Variants in C6 observed in about 807,000 individuals in gnomAD.
C6 encodes complement component C6.
In C6, 101 loss-of-function variants were observed where a neutral mutation model predicts 112.9. That is an observed-to-expected ratio of 0.89 (90% CI 0.76 to 1.06). C6 has a LOEUF of 1.06. C6 is among the 50% of genes least tolerant of loss of function. The pLI is 0.00. For missense variants in C6, 1,202 were observed against 1,104.6 expected (o/e 1.09, Z -1.25); for synonymous variants, 431 against 384.1 (o/e 1.12, Z -1.43).
intron 1 of C6, among the ~76,000 whole-genome samples, chr5:41,247,402 G>A (rs1741086521): frequency 6.6e-6 from 1 of 151,738 alleles, no homozygotes. Flanking sequence ...TCAAGCTGAG[G>A]ACCAAATCAA....
At chr5:41,251,434 T>C (rs556006516) in intron 1 of C6, among the ~76,000 whole-genome samples, 4 of 152,298 alleles carry the variant, frequency 2.6e-5, no homozygotes, top group African/African-American at 9.6e-5. Flanking sequence ...ATGCTATTGC[T>C]GTTATTAGTG....
At chr5:41,177,409 T>C (rs889939530) in intron 7 of C6, among the ~76,000 whole-genome samples, 6 of 152,228 alleles carry the variant, frequency 3.9e-5, no homozygotes, top group African/African-American at 7.2e-5. Flanking sequence ...GAGAATTAGC[T>C]GGTCAATATT....
chr5:41,163,743 A>G (rs576743958), intron 9 of C6, among the ~76,000 whole-genome samples: 1 of 152,360 alleles, frequency 6.6e-6, no homozygotes, highest in East Asian at 1.9e-4. Flanking sequence ...TTTGAATAAT[A>G]CATTTCTACA....
intron 1 of C6, among the ~76,000 whole-genome samples, chr5:41,259,674 G>T (rs542695614): frequency 6.6e-6 from 1 of 152,174 alleles, no homozygotes; most frequent in South Asian, 2.1e-4. Flanking sequence ...TTATAAGTGG[G>T]CCTTAACTCT....
intron 9 of C6, among the ~76,000 whole-genome samples, chr5:41,169,215 C>G (rs930914550): frequency 6.6e-5 from 10 of 152,070 alleles, no homozygotes; most frequent in Non-Finnish European, 1.5e-4. Context: ...AACATGCTAA[C>G]AAAGGTCTCA....
At chr5:41,219,418 G>A (rs555098615) in intron 1 of C6, among the ~76,000 whole-genome samples, 3 of 152,158 alleles carry the variant, frequency 2.0e-5, no homozygotes, top group East Asian at 3.9e-4. Context: ...TGTATTGAGC[G>A]CCCTTTGTTC....
chr5:41,256,429 T>TAAAAAAAAAAAA (rs893902006), intron 1 of C6, among the ~76,000 whole-genome samples: 1 of 135,792 alleles, frequency 7.4e-6, no homozygotes, highest in Non-Finnish European at 1.5e-5. Flanking sequence ...AAAGTATAAT[T>TAAAAAAAAAAAA]AAAAAAAAAA....
chr5:41,213,614 T>C, upstream of C6: 1 of 917,548 alleles, frequency 1.1e-6, no homozygotes, highest in Non-Finnish European at 1.3e-6. Flanking sequence ...GTAGTAACCC[T>C]GAAACTCTGG....
chr5:41,143,498 C>T (rs181356906), intron 17 of C6, among the ~76,000 whole-genome samples: 5 of 152,280 alleles, frequency 3.3e-5, no homozygotes, highest in Admixed American at 6.5e-5. Context: ...CTACATTCAT[C>T]GTTATCATTT....
intron 9 of C6, among the ~76,000 whole-genome samples, chr5:41,164,122 G>A (rs1358832768): frequency 1.3e-5 from 2 of 151,300 alleles, no homozygotes; most frequent in African/African-American, 4.9e-5. Flanking sequence ...AAAGGGGGGA[G>A]GGAGGGAGAG....
intron 1 of C6, among the ~76,000 whole-genome samples, chr5:41,250,784 G>C (rs763654818): frequency 1.1e-4 from 16 of 152,144 alleles, no homozygotes; most frequent in Non-Finnish European, 1.5e-4. Context: ...ATTTGCTGTT[G>C]TAAGCCACTG....
At chr5:41,198,279 A>G (rs1412438150) in intron 4 of C6, among the ~76,000 whole-genome samples, 3 of 152,204 alleles carry the variant, frequency 2.0e-5, no homozygotes, top group Admixed American at 1.3e-4. Context: ...ATCTTGAGTC[A>G]GAAAAACAAT....
intron 10 of C6, among the ~76,000 whole-genome samples, chr5:41,160,759 A>C (rs1340544875): frequency 6.6e-6 from 1 of 152,176 alleles, no homozygotes; most frequent in Non-Finnish European, 1.5e-5. Flanking sequence ...TTTAGAGAGG[A>C]TAAGAGAAGC....
rs528586806 is a variant in C6, at chr5:41,195,278, A to G, written c.587+514T>C. 3.3e-5 allele frequency among the ~76,000 whole-genome samples: 5 copies of G among 151,968 alleles called. No homozygotes were observed. The East Asian group carries it at 9.7e-4, about 29-fold the overall frequency. On this transcript the variant is annotated intron_variant, in intron 5 of 17. Coordinates refer to ENST00000337836, the MANE Select transcript of C6 (RefSeq NM_000065.5). ...GCTTAACTTCTTTCCTTTTGGCTTT[A>G]TCGCTCATTATTTGACTCTGGGTTT... is the stretch of plus-strand genomic sequence containing the variant.
At chr5:41,207,104 G>A (rs1751498414) in intron 1 of C6, among the ~76,000 whole-genome samples, 1 of 152,162 alleles carries the variant, frequency 6.6e-6, no homozygotes, top group Non-Finnish European at 1.5e-5. Context: ...TTTCAACCCA[G>A]AATTTCGTAT....
rs10473237 is a variant in C6, at chr5:41,193,204, C to G, written c.587+2588G>C. Among the ~76,000 whole-genome samples, 455 of 152,192 alleles carry G rather than the reference C, an allele frequency of 3.0e-3. 6 individuals are homozygous for G. The highest frequency in any genetic ancestry group is 0.01 in the African/African-American group (431 of 41,532). On this transcript the variant is annotated intron_variant, in intron 5 of 17. Transcript: ENST00000337836. ...TATGTTTGTCACAAGCAAAAAAGGGCTTGAGAAAAATGGCTCTCAGGTCAT... is the reference window on the plus strand; with the variant it reads ...TATGTTTGTCACAAGCAAAAAAGGGGTTGAGAAAAATGGCTCTCAGGTCAT...
At chr5:41,217,522 A>T (rs777449661), upstream of C6, among the ~76,000 whole-genome samples, 2 of 152,154 alleles carry the variant, frequency 1.3e-5, no homozygotes, top group Non-Finnish European at 2.9e-5. Context: ...GTTTGGCAAT[A>T]AGAGGTAACA....
intron 9 of C6, among the ~76,000 whole-genome samples, chr5:41,162,158 A>G (rs1206460443): frequency 6.6e-6 from 1 of 152,226 alleles, no homozygotes; most frequent in Non-Finnish European, 1.5e-5. Context: ...GTATTATTAT[A>G]AACATTGAAG....
In C6 at chr5:41,155,008, C is replaced by T; in HGVS notation, c.2065G>A (p.Asp689Asn). Reference protein sequence around the residue: ...VGYQYFRCLPDGTWRQGDVEC... With the variant: ...VGYQYFRCLPNGTWRQGDVEC... Reference sequence around the variant, plus strand: ...ACATCCCCTTGTCTCCAGGTCCCGTCTGGTAAGCATCTGAAGTACTGGTAT... The same window carrying T: ...ACATCCCCTTGTCTCCAGGTCCCGTTTGGTAAGCATCTGAAGTACTGGTAT... The change falls in exon 14 of 18, where the codon GAC becomes AAC. Residue 689 changes from aspartate to asparagine, a missense_variant. Physicochemically the swap from Asp to Asn is conservative, Grantham distance 23. Coordinates refer to ENST00000337836, the MANE Select transcript of C6 (RefSeq NM_000065.5). The T allele has an allele frequency of 1.2e-6, 2 of 1,613,824 alleles. No homozygotes were observed. Among genetic ancestry groups the T allele is most frequent in the Non-Finnish European group, 1.7e-6 (2 of 1,179,778 alleles).
Sources: allele counts gnomAD v4.1 joint callset (sites outside exome capture counted in the v4.1 genomes callset), GRCh38; gene constraint gnomAD v4.1.1; transcripts MANE v1.5; gene names NCBI Gene and HGNC (gene_info 2026-07-23, HGNC 2026-07-21).